Variants in MAN1A2 observed in about 807,000 individuals in gnomAD.
The protein encoded by MAN1A2 is mannosidase alpha class 1A member 2, also known as mannosyl-oligosaccharide 1,2-alpha-mannosidase IB.
In MAN1A2, 26 loss-of-function variants were observed where a neutral mutation model predicts 75.7. The observed-to-expected ratio is 0.34, with a 90% CI of 0.25 to 0.48. The LOEUF (loss-of-function observed/expected upper bound fraction) is 0.48. Ranked by LOEUF, MAN1A2 falls within the 20% of genes least tolerant of loss-of-function variation. The pLI, the probability that MAN1A2 is intolerant of heterozygous loss-of-function variation, is 0.99. For synonymous variants in MAN1A2, 247 were observed against 264.6 expected, an observed-to-expected ratio of 0.93 and a Z score of 0.65; for missense variants, 562 against 775.5, an observed-to-expected ratio of 0.72 and a Z score of 3.27.
chr1:117,438,619 C>G (rs1448356920), intron 5 of MAN1A2, among the ~76,000 whole-genome samples: 1 of 152,198 alleles, frequency 6.6e-6, no homozygotes, highest in Non-Finnish European at 1.5e-5. Flanking sequence ...GGTCAGTGCC[C>G]TGTACAGATA....
rs145964218 is a variant in MAN1A2, at chr1:117,426,596, T to C, written c.855+5947T>C. 5.0e-4 allele frequency among the ~76,000 whole-genome samples: 76 copies of C among 152,258 alleles called. No homozygotes were observed. In the East Asian group the frequency reaches 0.013, roughly 26 times the overall value. On this transcript the variant is annotated intron_variant, in intron 5 of 12. Coordinates refer to ENST00000356554, the MANE Select transcript of MAN1A2 (RefSeq NM_006699.5). Reference sequence around the variant, plus strand: ...TTACATTAGCTTACAGTTGGGCCAATTGATATAACAAAGCCCAGTTTATAG... The same window carrying C: ...TTACATTAGCTTACAGTTGGGCCAACTGATATAACAAAGCCCAGTTTATAG...
At chr1:117,465,281 A>G (rs996366743) in intron 7 of MAN1A2, among the ~76,000 whole-genome samples, 6 of 152,164 alleles carry the variant, frequency 3.9e-5, no homozygotes, top group Non-Finnish European at 8.8e-5. Context: ...AAAGAATAGT[A>G]TACAGTTTTT....
At chr1:117,428,836 G>A (rs534815458) in intron 5 of MAN1A2, among the ~76,000 whole-genome samples, 3 of 122,750 alleles carry the variant, frequency 2.4e-5, no homozygotes, top group Non-Finnish European at 5.1e-5. Context: ...ATAATTCTTG[G>A]GTGTTTCTCA....
At chr1:117,472,300 C>T (rs193077737) in intron 8 of MAN1A2, among the ~76,000 whole-genome samples, 1 of 151,928 alleles carries the variant, frequency 6.6e-6, no homozygotes, top group Admixed American at 6.6e-5. Flanking sequence ...TTGCAACCAC[C>T]TGTTAGGGAA....
At chr1:117,453,948 A>G (rs999692121) in intron 6 of MAN1A2, among the ~76,000 whole-genome samples, 4 of 152,186 alleles carry the variant, frequency 2.6e-5, no homozygotes, top group African/African-American at 9.7e-5. Context: ...GTCAGCAACC[A>G]TCGTCATCAA....
intron 5 of MAN1A2, among the ~76,000 whole-genome samples, chr1:117,433,588 G>GT (rs1348699656): frequency 6.6e-6 from 1 of 152,140 alleles, no homozygotes; most frequent in Admixed American, 6.5e-5. Flanking sequence ...CACTTATATA[G>GT]TTTTTTTGCT....
intron 1 of MAN1A2, among the ~76,000 whole-genome samples, chr1:117,371,924 CG>C (rs1233640077): frequency 2.2e-5 from 3 of 137,570 alleles, no homozygotes; most frequent in Non-Finnish European, 4.7e-5. Context: ...GGGAGGGGGA[CG>C]GGGGCGGGCA....
chr1:117,502,821 C>A, intron 11 of MAN1A2, 34 bp from the exon 12 acceptor site: 1 of 1,113,394 alleles, frequency 9.0e-7, no homozygotes, highest in South Asian at 1.3e-5. Context: ...TGAAATTCTA[C>A]GGAATTGCTT....
chr1:117,385,989 G>A (rs1570700163), intron 1 of MAN1A2, among the ~76,000 whole-genome samples: 1 of 152,144 alleles, frequency 6.6e-6, no homozygotes, highest in East Asian at 1.9e-4. Context: ...TTCTTTACAG[G>A]TATATAGTAC....
intron 1 of MAN1A2, among the ~76,000 whole-genome samples, chr1:117,385,484 G>C (rs1653493737): frequency 6.6e-6 from 1 of 152,154 alleles, no homozygotes; most frequent in Non-Finnish European, 1.5e-5. Context: ...ACCATATTCA[G>C]AGTAACTTGG....
At chr1:117,467,352 C>T (rs1323282318) in intron 8 of MAN1A2, among the ~76,000 whole-genome samples, 1 of 152,022 alleles carries the variant, frequency 6.6e-6, no homozygotes, top group African/African-American at 2.4e-5. Context: ...GCTGATTCTG[C>T]CAGTAAGAAA....
chr1:117,472,785 A>T (rs1469663445), intron 8 of MAN1A2, among the ~76,000 whole-genome samples: 1 of 152,050 alleles, frequency 6.6e-6, no homozygotes, highest in African/African-American at 2.4e-5. Context: ...GCCCAACACG[A>T]ATTGATAAAC....
chr1:117,493,275 A>G lies in MAN1A2; in HGVS notation c.1284+13A>G. On this transcript the variant is annotated intron_variant, in intron 9 of 12. Coordinates refer to ENST00000356554, the MANE Select transcript of MAN1A2 (RefSeq NM_006699.5). ...TGATGCTATTGAGGTGATTATTTCC[A>G]GAACATTTTTCTACTTAATGGATTG... The G allele has an allele frequency of 6.5e-7, 1 of 1,530,194 alleles. No homozygotes were observed. The highest frequency in any genetic ancestry group is 9.1e-7 in the Non-Finnish European group (1 of 1,104,774). 94.8% of individuals were successfully genotyped at this position (1,530,194 alleles called of 1,614,324 possible). A position where few individuals can be genotyped will look rare whatever the true frequency, so the allele number is the denominator to read the frequency against.
chr1:117,520,707 A>G (rs990387401), intron 12 of MAN1A2, among the ~76,000 whole-genome samples: 13 of 152,106 alleles, frequency 8.5e-5, no homozygotes, highest in African/African-American at 3.1e-4. Context: ...ATGCTCATGA[A>G]TGGGTAGAAT....
intron 12 of MAN1A2, among the ~76,000 whole-genome samples, chr1:117,510,767 A>G (rs1651512372): frequency 6.6e-6 from 1 of 152,096 alleles, no homozygotes; most frequent in African/African-American, 2.4e-5. Context: ...GGCTGCATCA[A>G]TGAATGTAAA....
intron 12 of MAN1A2, chr1:117,515,749 T>C (rs975979286): frequency 3.3e-5 from 5 of 152,120 alleles, no homozygotes; most frequent in African/African-American, 1.2e-4. Context: ...TGATTCCACT[T>C]CTATGAGGTC....
chr1:117,453,678 A>G (rs1219092345), intron 6 of MAN1A2, among the ~76,000 whole-genome samples: 1 of 152,236 alleles, frequency 6.6e-6, no homozygotes, highest in East Asian at 1.9e-4. Flanking sequence ...GAACATTGTC[A>G]AAATGACAAT....
intron 8 of MAN1A2, among the ~76,000 whole-genome samples, chr1:117,480,029 T>G (rs1650445121): frequency 6.6e-6 from 1 of 151,964 alleles, no homozygotes; most frequent in African/African-American, 2.4e-5. Flanking sequence ...CTGGCTGGTA[T>G]GAACATCCAC....
chr1:117,434,615 G>T (rs1648788717), intron 5 of MAN1A2, among the ~76,000 whole-genome samples: 1 of 151,966 alleles, frequency 6.6e-6, no homozygotes, highest in Admixed American at 6.6e-5. Flanking sequence ...GAGAGTGACT[G>T]AATAAATTGA....
Sources: gnomAD v4.1 joint callset for allele counts (sites outside exome capture counted in the v4.1 genomes callset) on GRCh38, gnomAD v4.1.1 for gene constraint, MANE v1.5 for transcripts, NCBI Gene and HGNC (gene_info 2026-07-23, HGNC 2026-07-21) for gene names.